The following KIF5A variants were observed in gnomAD, a reference collection of about 807,000 sequenced individuals.
KIF5A encodes the protein kinesin heavy chain isoform 5A.
A neutral mutation model predicts 141.3 loss-of-function variants in KIF5A; 35 were observed. The ratio of observed to expected loss-of-function variants is 0.25; its 90% CI spans 0.19 to 0.33. The LOEUF (loss-of-function observed/expected upper bound fraction) is 0.33. KIF5A is among the 10% of genes least tolerant of loss of function. The pLI is 1.00. For synonymous variants in KIF5A, 448 were observed against 500.2 expected (o/e 0.90, Z 1.39); for missense variants, 861 against 1,314.3 (o/e 0.66, Z 5.33).
In KIF5A at chr12:57,576,253, G is replaced by C. The variant is rs1882420635; in HGVS notation, c.2089-16G>C. 6.2e-7 allele frequency: 1 copy of C among 1,613,570 alleles called. No homozygotes were observed. Among genetic ancestry groups the C allele is most frequent in the Admixed American group, 1.7e-5 (1 of 60,008 alleles). ...TGGGAGTCTGGCCTTTGAGCTTGGG[G>C]TGGGGTTGTTTGCAGAAGGCTCTGG... On this transcript the variant is annotated splice_polypyrimidine_tract_variant and intron_variant, in intron 18 of 28. Coordinates refer to ENST00000455537, the MANE Select transcript of KIF5A (RefSeq NM_004984.4).
chr12:57,561,081 C>T (rs919922211), intron 1 of KIF5A, among the ~76,000 whole-genome samples: 1 of 151,970 alleles, frequency 6.6e-6, no homozygotes, highest in Non-Finnish European at 1.5e-5. Context: ...TCTCTGTCAC[C>T]CAGGCTGGAG....
In KIF5A at chr12:57,572,787, G is replaced by A. The variant is rs115932451; in HGVS notation, c.1716+61G>A. The A allele has an allele frequency of 1.0e-3, 1,653 of 1,590,336 alleles. 23 individuals carry two copies. In the African/African-American group the frequency reaches 0.019, roughly 19 times the overall value. On this transcript the variant is annotated intron_variant, in intron 15 of 28. Transcript: ENST00000455537. The surrounding 1 kb of genome is among the most constrained non-coding windows in gnomAD (Gnocchi z 4.2). ...GGCACTAGTGGAAGACGCAAGATGA[G>A]CCATCCAGGCCTTCACAGATACTGA...
chr12:57,565,435 A>G (rs998170128), intron 6 of KIF5A, among the ~76,000 whole-genome samples: 3 of 151,850 alleles, frequency 2.0e-5, no homozygotes, highest in African/African-American at 7.3e-5. Flanking sequence ...AAAAAAGAAG[A>G]AAAGAAAAGA....
intron 1 of KIF5A, among the ~76,000 whole-genome samples, chr12:57,553,201 G>A (rs1399188575): frequency 6.6e-6 from 1 of 152,088 alleles, no homozygotes; most frequent in Non-Finnish European, 1.5e-5. Context: ...CTGCTGTCTG[G>A]ACTGCTGCAT....
chr12:57,581,111 C>T lies in KIF5A; in HGVS notation c.2694C>T (p.Asp898=), dbSNP rs776870802. 6.2e-7 allele frequency: 1 copy of T among 1,614,158 alleles called. No individual in the cohort carries two copies. Among genetic ancestry groups the T allele is most frequent in the Admixed American group, 1.7e-5 (1 of 60,020 alleles). The part of the protein sequence containing the change: ...KDKRRYQQEV[D]RIKEAVRYKS... ...AGCGCCGGTACCAGCAGGAGGTGGA[C>T]CGCATCAAGGAGGCCGTTCGCTACA... Residue 898 remains aspartate (D), a synonymous_variant, in exon 24 of 29, where the codon GAC becomes GAT. Transcript: ENST00000455537.
At chr12:57,568,915 C>T (rs1300441889) in intron 8 of KIF5A, 48 bp from the exon 9 acceptor site, 1 of 1,319,156 alleles carries the variant, frequency 7.6e-7, no homozygotes, top group East Asian at 2.3e-5. Context: ...TGACAGCCCT[C>T]TCCATGTGCA....
At chr12:57,567,404 G>A in intron 7 of KIF5A, 90 bp from the exon 8 acceptor site, 1 of 1,538,020 alleles carries the variant, frequency 6.5e-7, no homozygotes, top group Admixed American at 1.8e-5. Context: ...TTCTCTCTGG[G>A]TGGGCGGGGC....
chr12:57,569,682 T>C lies in KIF5A; in HGVS notation c.1116T>C (p.Asn372=), dbSNP rs754551006. 6.2e-7 allele frequency: 1 copy of C among 1,613,096 alleles called. No homozygotes were observed. Among genetic ancestry groups the C allele is most frequent in the South Asian group, 1.1e-5 (1 of 91,040 alleles). ...KLEAELSRWR[N]GENVPETERL... ...AGGCTGAGCTGAGCCGGTGGCGCAATGGTTAGAGAGGGATAGGTGGGAGTG... is the reference window on the plus strand; with the variant it reads ...AGGCTGAGCTGAGCCGGTGGCGCAACGGTTAGAGAGGGATAGGTGGGAGTG... Residue 372 remains asparagine (N), a splice_region_variant and synonymous_variant, in exon 11 of 29, where the codon AAT becomes AAC. Coordinates refer to ENST00000455537, the MANE Select transcript of KIF5A (RefSeq NM_004984.4).
intron 15 of KIF5A, among the ~76,000 whole-genome samples, chr12:57,573,185 T>C (rs1054764016): frequency 6.6e-6 from 1 of 152,152 alleles, no homozygotes; most frequent in Non-Finnish European, 1.5e-5. Flanking sequence ...AGTGAGACTC[T>C]GCCTTAAAAA....
intron 15 of KIF5A, 133 bp from the exon 16 acceptor site, chr12:57,574,951 G>A: frequency 2.6e-6 from 2 of 774,744 alleles, no homozygotes; most frequent in East Asian, 5.3e-5. Context: ...AGCTGCTAAA[G>A]GTCGTTTGGA....
intron 1 of KIF5A, among the ~76,000 whole-genome samples, chr12:57,552,195 G>T (rs1429820331): frequency 6.6e-6 from 1 of 152,078 alleles, no homozygotes; most frequent in Non-Finnish European, 1.5e-5. Context: ...TCCTTGCTCT[G>T]GGAGGTTTTT....
chr12:57,578,469 C>A, intron 23 of KIF5A, 127 bp downstream of exon 23: 2 of 709,316 alleles, frequency 2.8e-6, no homozygotes, highest in South Asian at 1.5e-5. Context: ...CTTTTACTTT[C>A]CCTACTAATC....
rs1004295573 is a variant in KIF5A at position 57,572,432 on chromosome 12, A to G, written c.1570-148A>G. ...CCCTGTCACTGCACTTTCCCCTCAC[A>G]GTCCCTCTGTCTTTCAGACTCTTCT... On this transcript the variant is annotated intron_variant, in intron 14 of 28. Coordinates refer to ENST00000455537, the MANE Select transcript of KIF5A (RefSeq NM_004984.4). This position sits in a 1 kb window ranked among gnomAD's most constrained non-coding sequence, Gnocchi z 4.2. The G allele has an allele frequency of 8.6e-6, 11 of 1,281,068 alleles. No individual in the cohort carries two copies. Among genetic ancestry groups the G allele is most frequent in the Non-Finnish European group, 1.2e-5 (11 of 904,722 alleles). The allele number at this position is 1,281,068 out of a possible 1,614,324, so 79.4% of individuals were successfully genotyped here.
rs1882165861 is a variant in KIF5A, at chr12:57,569,201, T to A, written c.820-55T>A. 1.1e-5 allele frequency: 17 copies of A among 1,607,620 alleles called. No homozygotes were observed. The Admixed American group carries it at 2.7e-4, about 25-fold the overall frequency. On this transcript the variant is annotated intron_variant, in intron 9 of 28. Coordinates refer to ENST00000455537, the MANE Select transcript of KIF5A (RefSeq NM_004984.4). Reference sequence around the variant, plus strand: ...GGGTGGCACCACTATCCTTTCTGATTCCCTGTTGAATTTTATTTGTTTATT... The same window carrying A: ...GGGTGGCACCACTATCCTTTCTGATACCCTGTTGAATTTTATTTGTTTATT...
At chr12:57,581,986 G>T (rs1882620022) in intron 26 of KIF5A, 34 bp downstream of exon 26, 1 of 1,549,484 alleles carries the variant, frequency 6.5e-7, no homozygotes, top group Admixed American at 1.7e-5. Flanking sequence ...CCACCTTTGG[G>T]GTCCTCAGGG....
rs1202888737 is a variant in KIF5A, at chr12:57,584,608, C to T, written c.*427C>T. On this transcript the variant is annotated 3_prime_UTR_variant, in exon 29 of 29. Coordinates refer to ENST00000455537, the MANE Select transcript of KIF5A (RefSeq NM_004984.4). ...GTGACCCTTCATACACACACGCACGCACGCACACAAACATGCACACACGCA... is the reference window on the plus strand; with the variant it reads ...GTGACCCTTCATACACACACGCACGTACGCACACAAACATGCACACACGCA... 1.3e-5 allele frequency: 2 copies of T among 152,538 alleles called. No homozygotes were observed. Among genetic ancestry groups the T allele is most frequent in the East Asian group, 3.9e-4 (2 of 5,190 alleles). 9.4% of individuals were successfully genotyped at this position (152,538 alleles called of 1,614,324 possible). A position where few individuals can be genotyped will look rare whatever the true frequency, so the allele number is the denominator to read the frequency against.
intron 22 of KIF5A, 48 bp from the exon 23 acceptor site, chr12:57,578,190 C>T: frequency 1.3e-6 from 2 of 1,585,208 alleles, no homozygotes; most frequent in Non-Finnish European, 8.7e-7. Context: ...CTTGGTGGGA[C>T]CTGTTTGGCC....
chr12:57,557,629 C>A (rs892400960), intron 1 of KIF5A, among the ~76,000 whole-genome samples: 1 of 151,636 alleles, frequency 6.6e-6, no homozygotes, highest in Admixed American at 6.6e-5. Context: ...TGTTTTGTAA[C>A]CTTTTTTCTC....
rs1416057228 is a variant in KIF5A, at chr12:57,567,703, C to T, written c.714+85C>T. On this transcript the variant is annotated intron_variant, in intron 8 of 28. Transcript: ENST00000455537. ...TGAGACAGAGTCTCACTCTGTCGCCCGGGCTGGTTTGCAGTGGCACGATCT... is the reference window on the plus strand; with the variant it reads ...TGAGACAGAGTCTCACTCTGTCGCCTGGGCTGGTTTGCAGTGGCACGATCT... 8.4e-6 allele frequency: 12 copies of T among 1,425,770 alleles called. No individual in the cohort carries two copies. In the East Asian group the frequency reaches 1.0e-4, roughly 12 times the overall value. 88.3% of individuals were successfully genotyped at this position (1,425,770 alleles called of 1,614,324 possible).
Sources: allele counts gnomAD v4.1 joint callset (sites outside exome capture counted in the v4.1 genomes callset), GRCh38; gene constraint gnomAD v4.1.1; non-coding constraint Gnocchi (gnomAD v3.1); transcripts MANE v1.5; gene names NCBI Gene and HGNC (gene_info 2026-07-23, HGNC 2026-07-21).